The following IFT81 variants were observed in gnomAD, a reference collection of about 807,000 sequenced individuals.
IFT81 encodes intraflagellar transport 81.
In IFT81, 72 loss-of-function variants were observed where a neutral mutation model predicts 102.6. That is an observed-to-expected ratio of 0.70 (90% CI 0.58 to 0.85). IFT81 has a LOEUF of 0.85. Among genes scored for constraint, IFT81 ranks in the 40% least tolerant of loss-of-function variants. IFT81 has a pLI of 0.00. For missense variants in IFT81, 723 were observed against 787.3 expected, an observed-to-expected ratio of 0.92 and a Z score of 0.98; for synonymous variants, 237 against 242.7, an observed-to-expected ratio of 0.98 and a Z score of 0.22.
intron 10 of IFT81, among the ~76,000 whole-genome samples, chr12:110,148,211 T>C (rs1895330963): frequency 6.6e-6 from 1 of 152,182 alleles, no homozygotes; most frequent in Admixed American, 6.5e-5. Context: ...TGTGTTTTAC[T>C]GATTGCAACC....
At chr12:110,180,009 C>G (rs181885648) in intron 11 of IFT81, among the ~76,000 whole-genome samples, 27 of 100,334 alleles carry the variant, frequency 2.7e-4, no homozygotes, top group African/African-American at 9.0e-4. Flanking sequence ...GGCACTGTGC[C>G]AGACACAGAG....
chr12:110,182,864 C>T lies in IFT81; in HGVS notation c.1338+2293C>T, dbSNP rs530138326. Among the ~76,000 whole-genome samples, 3 of 152,302 alleles carry T rather than the reference C, an allele frequency of 2.0e-5. No individual in the cohort carries two copies. The South Asian group carries it at 6.2e-4, about 32-fold the overall frequency. On this transcript the variant is annotated intron_variant, in intron 12 of 18. Coordinates refer to ENST00000242591, the MANE Select transcript of IFT81 (RefSeq NM_014055.4). The stretch of plus-strand genomic sequence containing the variant: ...TTCCCTAAAGTGGATCACTGGGGAT[C>T]ATGGTTCGTGGTGACACCTATACTT...
intron 8 of IFT81, among the ~76,000 whole-genome samples, chr12:110,139,795 A>G (rs2137339627): frequency 6.7e-6 from 1 of 148,168 alleles, no homozygotes; most frequent in South Asian, 2.1e-4. Context: ...ATACATACAT[A>G]CATACAATAA....
intron 13 of IFT81, among the ~76,000 whole-genome samples, chr12:110,191,899 G>A (rs570336012): frequency 5.3e-4 from 80 of 151,946 alleles, no homozygotes; most frequent in African/African-American, 1.6e-3. Context: ...GGCCAGGCAC[G>A]GTGGCTCACA....
At chr12:110,197,917 G>A (rs548659042) in intron 14 of IFT81, among the ~76,000 whole-genome samples, 1 of 152,148 alleles carries the variant, frequency 6.6e-6, no homozygotes, top group African/African-American at 2.4e-5. Flanking sequence ...TCTCCATGTT[G>A]GTCAGGCTGG....
intron 5 of IFT81, among the ~76,000 whole-genome samples, chr12:110,133,460 A>G (rs1451911545): frequency 3.1e-4 from 3 of 9,572 alleles, no homozygotes; most frequent in East Asian, 3.5e-3. Flanking sequence ...CTGTCTCCAG[A>G]AAAAAAAAAA....
chr12:110,145,028 ATTTT>A (rs753990394), intron 9 of IFT81, among the ~76,000 whole-genome samples: 3 of 111,032 alleles, frequency 2.7e-5, no homozygotes, highest in African/African-American at 3.5e-5. Context: ...ACTATGCCTA[ATTTT>A]TTTTTTTTTT....
chr12:110,207,168 T>C (rs1868748575), intron 17 of IFT81, among the ~76,000 whole-genome samples: 1 of 152,058 alleles, frequency 6.6e-6, no homozygotes, highest in Non-Finnish European at 1.5e-5. Flanking sequence ...GTAGCTGGGA[T>C]TACAGGCACA....
chr12:110,213,100 G>A (rs560489472), intron 18 of IFT81, among the ~76,000 whole-genome samples: 10 of 151,942 alleles, frequency 6.6e-5, no homozygotes, highest in Non-Finnish European at 7.4e-5. Flanking sequence ...TTATCCTACC[G>A]AAAAGAATTT....
chr12:110,141,869 G>A (rs1339795231), intron 8 of IFT81, among the ~76,000 whole-genome samples: 2 of 152,094 alleles, frequency 1.3e-5, no homozygotes, highest in Non-Finnish European at 2.9e-5. Flanking sequence ...GAGTGACAGA[G>A]CAAGATTTCA....
chr12:110,126,517 T>C (rs2137287017), intron 1 of IFT81, among the ~76,000 whole-genome samples: 1 of 152,162 alleles, frequency 6.6e-6, no homozygotes, highest in African/African-American at 2.4e-5. Flanking sequence ...GAAAGCAACA[T>C]TAACTAAAGG....
At chr12:110,136,664 G>T (rs1161307558) in intron 7 of IFT81, 112 bp from the exon 8 acceptor site, 1 of 489,288 alleles carries the variant, frequency 2.0e-6, no homozygotes, top group East Asian at 3.5e-5. Context: ...CTTATTATTT[G>T]TTCCTTTTAT....
chr12:110,165,634 T>C (rs995161508), intron 11 of IFT81, among the ~76,000 whole-genome samples: 2 of 152,234 alleles, frequency 1.3e-5, no homozygotes, highest in African/African-American at 4.8e-5. Context: ...GATACTTTTT[T>C]ACTTCTTGTA....
intron 8 of IFT81, among the ~76,000 whole-genome samples, chr12:110,138,261 A>G (rs1488215470): frequency 6.6e-6 from 1 of 152,236 alleles, no homozygotes; most frequent in African/African-American, 2.4e-5. Flanking sequence ...TAGATTAAAC[A>G]TATTTAATTG....
At chr12:110,179,605 C>T (rs1183090214) in intron 11 of IFT81, among the ~76,000 whole-genome samples, 2 of 150,338 alleles carry the variant, frequency 1.3e-5, no homozygotes, top group African/African-American at 4.9e-5. Flanking sequence ...ACCTGTGGTC[C>T]TCCTACTCTG....
chr12:110,170,977 C>CTGT (rs1306952934), intron 11 of IFT81, among the ~76,000 whole-genome samples: 1 of 152,200 alleles, frequency 6.6e-6, no homozygotes, highest in African/African-American at 2.4e-5. Context: ...TGTGCTGCAG[C>CTGT]TGTCAGGTCC....
chr12:110,162,934 C>T lies in IFT81; in HGVS notation c.1057C>T (p.Arg353Cys), dbSNP rs761364715. Residue 353 changes from arginine (R) to cysteine (C), a missense_variant, in exon 11 of 19, where the codon CGT becomes TGT. By Grantham distance (180) the Arg-to-Cys change is radical. Transcript: ENST00000242591. The stretch of plus-strand genomic sequence containing the variant: ...GCTCAATCAGGCATCTATCATTTCC[C>T]GTAAAAAAGAAGCCAAAGCTGAGGA... ...LYRQQASIISRKKEAKAEELQ... is the reference protein window; with the variant it reads ...LYRQQASIISCKKEAKAEELQ... The T allele has an allele frequency of 2.7e-5, 43 of 1,611,734 alleles. No individual in the cohort carries two copies. The highest frequency in any genetic ancestry group is 2.2e-5 in the East Asian group (1 of 44,852).
chr12:110,151,901 G>A (rs554859069), intron 10 of IFT81, among the ~76,000 whole-genome samples: 8 of 152,196 alleles, frequency 5.3e-5, no homozygotes, highest in African/African-American at 1.9e-4. Context: ...GTGAGATCAT[G>A]CACTATTTGT....
chr12:110,140,286 G>T (rs971137426), intron 8 of IFT81, among the ~76,000 whole-genome samples: 1 of 152,142 alleles, frequency 6.6e-6, no homozygotes, highest in African/African-American at 2.4e-5. Context: ...ATGCCCTAAA[G>T]TGTATCCTTG....
Sources: gnomAD v4.1 joint callset for allele counts (sites outside exome capture counted in the v4.1 genomes callset) on GRCh38, gnomAD v4.1.1 for gene constraint, MANE v1.5 for transcripts, NCBI Gene and HGNC (gene_info 2026-07-23, HGNC 2026-07-21) for gene names.